The following CORO2B variants were observed in gnomAD, a reference collection of about 807,000 sequenced individuals.
CORO2B encodes the protein coronin-2B.
Under a neutral mutation model 58.8 loss-of-function variants are expected in CORO2B, and 26 were observed. The observed-to-expected ratio is 0.44, with a 90% CI of 0.32 to 0.61. The LOEUF (loss-of-function observed/expected upper bound fraction) is 0.61. CORO2B is among the 20% of genes least tolerant of loss of function. The pLI is 0.04. For missense variants in CORO2B, 460 were observed against 645.1 expected, an observed-to-expected ratio of 0.71 and a Z score of 3.11; for synonymous variants, 242 against 253.8, an observed-to-expected ratio of 0.95 and a Z score of 0.44.
chr15:68,641,798 A>G (rs1433727170), intron 1 of CORO2B, among the ~76,000 whole-genome samples: 1 of 152,032 alleles, frequency 6.6e-6, no homozygotes, highest in East Asian at 1.9e-4. Context: ...GACTCAGCCC[A>G]CTGCAACCTC....
At chr15:68,603,162 A>G (rs1900025026) in intron 1 of CORO2B, among the ~76,000 whole-genome samples, 1 of 152,084 alleles carries the variant, frequency 6.6e-6, no homozygotes, top group African/African-American at 2.4e-5. Flanking sequence ...TAGGATGCAG[A>G]ATTGTCCACT....
chr15:68,696,113 G>T (rs368342006), intron 3 of CORO2B, among the ~76,000 whole-genome samples: 1 of 151,914 alleles, frequency 6.6e-6, no homozygotes, highest in African/African-American at 2.4e-5. Flanking sequence ...AGGTGGGTGT[G>T]GTGGTGCACA....
chr15:68,714,731 C>T (rs1298468379), intron 7 of CORO2B, 68 bp downstream of exon 7: 11 of 1,180,124 alleles, frequency 9.3e-6, no homozygotes, highest in East Asian at 2.3e-5. Context: ...CACCCCTGCA[C>T]CTGCCCCACC....
At chr15:68,531,149 A>G in the CORO2B span, among the ~76,000 whole-genome samples, 1 of 152,116 alleles carries the variant, frequency 6.6e-6, no homozygotes, top group Non-Finnish European at 1.5e-5. Flanking sequence ...CCTTTATGCT[A>G]TTATTGTCAT....
At chr15:68,641,897 G>A (rs1043872702) in intron 1 of CORO2B, among the ~76,000 whole-genome samples, 26 of 151,964 alleles carry the variant, frequency 1.7e-4, no homozygotes, top group African/African-American at 6.3e-4. Context: ...CTAACTTTGT[G>A]TGTTTTTGGT....
At chr15:68,557,288 A>C in the CORO2B span, among the ~76,000 whole-genome samples, 1 of 152,102 alleles carries the variant, frequency 6.6e-6, no homozygotes, top group African/African-American at 2.4e-5. Flanking sequence ...CCAAGGTCAT[A>C]GCAGAGCTGA....
chr15:68,645,162 G>T lies in CORO2B; in HGVS notation c.18G>T (p.Met6Ile), dbSNP rs1265768158. MTVTKMSWRPQYRSSK... is the reference protein window; with the variant it reads MTVTKISWRPQYRSSK... ...TTGTCTCTCCTGGCCCCTCACAGATGTCCTGGCGTCCGCAATACCGTAGCT... is the reference window on the plus strand; with the variant it reads ...TTGTCTCTCCTGGCCCCTCACAGATTTCCTGGCGTCCGCAATACCGTAGCT... The change falls in exon 2 of 12, where the codon ATG (methionine) becomes ATT (isoleucine). Residue 6 changes from methionine (M) to isoleucine (I), a missense_variant and splice_region_variant. By Grantham distance (10) the Met-to-Ile change is conservative. This residue lies in a region of CORO2B where 352 missense variants were observed against 543.0 expected (regional missense o/e 0.65). Transcript: ENST00000261861. The surrounding 1 kb of genome is among the most constrained non-coding windows in gnomAD (Gnocchi z 4.5). 1 of 1,613,796 alleles carries T rather than the reference G, an allele frequency of 6.2e-7. No homozygotes were observed. The highest frequency in any genetic ancestry group is 1.3e-5 in the African/African-American group (1 of 74,916).
chr15:68,609,480 T>C (rs1312646748), intron 1 of CORO2B, among the ~76,000 whole-genome samples: 3 of 152,122 alleles, frequency 2.0e-5, no homozygotes, highest in Non-Finnish European at 2.9e-5. Context: ...TGTGAGGAAT[T>C]GAGCCTCTGT....
chr15:68,530,875 T>C, the CORO2B span, among the ~76,000 whole-genome samples: 2 of 152,238 alleles, frequency 1.3e-5, no homozygotes, highest in Admixed American at 6.5e-5. Context: ...TTCTTATAGA[T>C]AGCATATAGT....
the CORO2B span, among the ~76,000 whole-genome samples, chr15:68,556,282 C>T: frequency 6.6e-6 from 1 of 152,172 alleles, no homozygotes; most frequent in African/African-American, 2.4e-5. Flanking sequence ...CTTGGAGCAC[C>T]GGCCAGTGGC....
chr15:68,608,515 T>A (rs1260257602), intron 1 of CORO2B, among the ~76,000 whole-genome samples: 2 of 152,166 alleles, frequency 1.3e-5, no homozygotes, highest in East Asian at 3.9e-4. Flanking sequence ...TTGCTCTGTG[T>A]GAGTGTGCAC....
At chr15:68,568,295 A>G in the CORO2B span, among the ~76,000 whole-genome samples, 1 of 141,222 alleles carries the variant, frequency 7.1e-6, no homozygotes, top group East Asian at 2.1e-4. Flanking sequence ...ACAATGCTTC[A>G]TTTTCTCATC....
the CORO2B span, among the ~76,000 whole-genome samples, chr15:68,543,451 A>G: frequency 6.6e-6 from 1 of 152,150 alleles, no homozygotes; most frequent in Non-Finnish European, 1.5e-5. Flanking sequence ...GTCTGAGCCC[A>G]TTCCTGGCAT....
chr15:68,582,282 T>C (rs1391220885), intron 1 of CORO2B, among the ~76,000 whole-genome samples: 2 of 152,226 alleles, frequency 1.3e-5, no homozygotes, highest in Non-Finnish European at 2.9e-5. Flanking sequence ...GTATGTAATT[T>C]AGTAAGTTAC....
chr15:68,669,728 A>C (rs1212756953), intron 2 of CORO2B, among the ~76,000 whole-genome samples: 2 of 152,142 alleles, frequency 1.3e-5, no homozygotes, highest in Non-Finnish European at 1.5e-5. Context: ...TAATAAAATA[A>C]ATATATTTTT....
the CORO2B span, among the ~76,000 whole-genome samples, chr15:68,565,106 A>C: frequency 6.6e-6 from 1 of 152,202 alleles, no homozygotes; most frequent in African/African-American, 2.4e-5. Context: ...AATTATGAGC[A>C]AAGATAGATA....
At chr15:68,653,087 T>G (rs1679606615) in intron 2 of CORO2B, among the ~76,000 whole-genome samples, 1 of 152,116 alleles carries the variant, frequency 6.6e-6, no homozygotes, top group Non-Finnish European at 1.5e-5. Context: ...GGAAGCTTAC[T>G]CTCTGAAGGA....
At chr15:68,531,496 C>CA in the CORO2B span, among the ~76,000 whole-genome samples, 907 of 115,344 alleles carry the variant, frequency 7.9e-3, 16 homozygotes, top group African/African-American at 0.03. Flanking sequence ...AACTGTATCT[C>CA]AAAAAAGGAA....
chr15:68,648,258 G>A (rs1901516786), intron 2 of CORO2B, among the ~76,000 whole-genome samples: 1 of 150,582 alleles, frequency 6.6e-6, no homozygotes, highest in Non-Finnish European at 1.5e-5. Context: ...GCTTGAACCC[G>A]GGAGGCAGAG....
Sources: allele counts gnomAD v4.1 joint callset (sites outside exome capture counted in the v4.1 genomes callset), GRCh38; gene constraint gnomAD v4.1.1; regional missense constraint gnomAD v4.1.1; non-coding constraint Gnocchi (gnomAD v3.1); transcripts MANE v1.5; gene names NCBI Gene and HGNC (gene_info 2026-07-23, HGNC 2026-07-21).